TASP1: variants seen among roughly 807,000 people sequenced by gnomAD.
TASP1 encodes the protein taspase 1, also known as threonine aspartase 1.
TASP1 carries 16 observed loss-of-function variants against 56.6 expected under a neutral mutation model. That is an observed-to-expected ratio of 0.28 (90% CI 0.19 to 0.43). TASP1 has a LOEUF of 0.43. Ranked by LOEUF, TASP1 falls within the 20% of genes least tolerant of loss-of-function variation. TASP1 has a pLI of 1.00. For missense variants in TASP1, 393 were observed against 511.6 expected, an observed-to-expected ratio of 0.77 and a Z score of 2.24; for synonymous variants, 179 against 184.2, an observed-to-expected ratio of 0.97 and a Z score of 0.23.
chr20:13,490,462 G>C (rs1040369151), intron 10 of TASP1, among the ~76,000 whole-genome samples: 1 of 152,032 alleles, frequency 6.6e-6, no homozygotes, highest in African/African-American at 2.4e-5. Context: ...AATTAATAAA[G>C]TATCTTTATT....
At chr20:13,273,622 C>T in the TASP1 span, among the ~76,000 whole-genome samples, 48 of 152,238 alleles carry the variant, frequency 3.2e-4, no homozygotes, top group African/African-American at 1.2e-3. Flanking sequence ...GCTGGGAACC[C>T]CAGTTACCCT....
chr20:13,179,909 C>T, the TASP1 span, among the ~76,000 whole-genome samples: 1 of 152,072 alleles, frequency 6.6e-6, no homozygotes, highest in Non-Finnish European at 1.5e-5. Context: ...CTGTTGATTT[C>T]CCCCAATACC....
the TASP1 span, among the ~76,000 whole-genome samples, chr20:13,263,926 T>C: frequency 6.6e-6 from 1 of 152,234 alleles, no homozygotes; most frequent in Non-Finnish European, 1.5e-5. Flanking sequence ...TTGCTAATAA[T>C]ATCTTCTTTA....
At chr20:13,604,863 T>C (rs958440619) in intron 4 of TASP1, among the ~76,000 whole-genome samples, 2 of 152,058 alleles carry the variant, frequency 1.3e-5, no homozygotes, top group Non-Finnish European at 2.9e-5. Context: ...GTTTAGCAGT[T>C]TTCTTTAAAG....
chr20:13,582,943 G>A (rs540736273), intron 5 of TASP1, among the ~76,000 whole-genome samples: 26 of 152,294 alleles, frequency 1.7e-4, no homozygotes, highest in South Asian at 6.2e-4. Context: ...GTTGTCTTGC[G>A]CACCAGGCTT....
the TASP1 span, among the ~76,000 whole-genome samples, chr20:13,322,789 G>A: frequency 1.3e-5 from 2 of 152,104 alleles, no homozygotes; most frequent in Non-Finnish European, 2.9e-5. Context: ...CGAGATCAAA[G>A]CAAGGGGCTT....
At chr20:13,546,897 C>A (rs892295309) in intron 8 of TASP1, among the ~76,000 whole-genome samples, 1 of 152,092 alleles carries the variant, frequency 6.6e-6, no homozygotes, top group South Asian at 2.1e-4. Flanking sequence ...ATAACCTATC[C>A]CTTTTATTTC....
chr20:13,266,160 G>A, the TASP1 span, among the ~76,000 whole-genome samples: 6 of 152,152 alleles, frequency 3.9e-5, no homozygotes, highest in African/African-American at 1.2e-4. Flanking sequence ...GGGAAATGTA[G>A]TTTTTGCCAG....
chr20:13,304,976 G>C, the TASP1 span, among the ~76,000 whole-genome samples: 1 of 151,986 alleles, frequency 6.6e-6, no homozygotes, highest in Non-Finnish European at 1.5e-5. Context: ...CCCAAACCAA[G>C]ACATCACTTC....
the TASP1 span, among the ~76,000 whole-genome samples, chr20:13,260,935 T>C: frequency 6.6e-6 from 1 of 152,186 alleles, no homozygotes; most frequent in Non-Finnish European, 1.5e-5. Flanking sequence ...TGACTGGCCA[T>C]TGGCAGGCTG....
At chr20:13,513,343 T>A (rs1000981902) in intron 10 of TASP1, among the ~76,000 whole-genome samples, 2 of 148,272 alleles carry the variant, frequency 1.3e-5, no homozygotes, top group African/African-American at 2.5e-5. Context: ...TTCCACATCA[T>A]GGCACCACTG....
chr20:13,596,612 A>G (rs747439638), intron 4 of TASP1, among the ~76,000 whole-genome samples: 6 of 152,198 alleles, frequency 3.9e-5, no homozygotes, highest in Non-Finnish European at 8.8e-5. Flanking sequence ...TAATATCACA[A>G]TTAAAAGAAC....
chr20:13,558,729 A>G (rs2046245413), intron 8 of TASP1, among the ~76,000 whole-genome samples: 1 of 152,134 alleles, frequency 6.6e-6, no homozygotes, highest in African/African-American at 2.4e-5. Flanking sequence ...TAGCTCATTA[A>G]TAATTTTTCC....
chr20:13,168,297 C>A, the TASP1 span: 1 of 152,092 alleles, frequency 6.6e-6, no homozygotes, highest in Non-Finnish European at 1.5e-5. Context: ...GATTCTCCTG[C>A]CTCAGCCTCC....
the TASP1 span, among the ~76,000 whole-genome samples, chr20:13,232,641 A>G: frequency 6.6e-6 from 1 of 152,194 alleles, no homozygotes; most frequent in Non-Finnish European, 1.5e-5. Context: ...TTGGGTGAAT[A>G]CTTTGGAGCA....
At position 13,510,079 on chromosome 20, in the gene TASP1, A is replaced by G. The variant is rs149322881; in HGVS notation, c.874+18354T>C. ...CTTTACGTGTACCCCTGAACCTAAA[A>G]TGAAAGTTAATAAATAAAGATTATA... On this transcript the variant is annotated intron_variant, in intron 10 of 13. Coordinates refer to ENST00000337743, the MANE Select transcript of TASP1 (RefSeq NM_017714.3). Among the ~76,000 whole-genome samples the G allele has an allele frequency of 5.1e-3, 772 of 152,274 alleles. 4 individuals are homozygous for G. Among genetic ancestry groups the G allele is most frequent in the East Asian group, 0.012 (60 of 5,188 alleles).
the TASP1 span, chr20:13,298,911 G>T: frequency 1.9e-6 from 3 of 1,606,088 alleles, no homozygotes; most frequent in Non-Finnish European, 2.6e-6. Context: ...TTGTACACGC[G>T]GTGAGAGGGT....
At position 13,469,792 on chromosome 20, in the gene TASP1, C is replaced by CTTTTTTTTTTTTTTTTT. The variant is rs546419566; in HGVS notation, c.985+13418_985+13434dup. Among the ~76,000 whole-genome samples the CTTTTTTTTTTTTTTTTT allele has an allele frequency of 5.1e-4, 20 of 39,546 alleles. 4 individuals are homozygous for CTTTTTTTTTTTTTTTTT. The highest frequency in any genetic ancestry group is 9.9e-4 in the East Asian group (1 of 1,008). The allele number at this position is 39,546 out of a possible 152,430, so 25.9% of individuals were successfully genotyped here. ...ACAGTTGTCCAGGTCAATAAATGTC[C>CTTTTTTTTTTTTTTTTT]TTTTTTTTTTTTTTTTTTTTTTTTT... On this transcript the variant is annotated intron_variant, in intron 11 of 13. Coordinates refer to ENST00000337743, the MANE Select transcript of TASP1 (RefSeq NM_017714.3).
the TASP1 span, among the ~76,000 whole-genome samples, chr20:13,334,923 G>A: frequency 1.3e-5 from 2 of 152,198 alleles, no homozygotes; most frequent in African/African-American, 4.8e-5. Flanking sequence ...TGGAAGAATG[G>A]TAATTACCTT....
Sources: allele counts gnomAD v4.1 joint callset (sites outside exome capture counted in the v4.1 genomes callset), GRCh38; gene constraint gnomAD v4.1.1; transcripts MANE v1.5; gene names NCBI Gene and HGNC (gene_info 2026-07-23, HGNC 2026-07-21).